Variants in AAK1 observed in about 807,000 individuals in gnomAD.
AAK1 encodes the protein AP2-associated protein kinase 1.
AAK1 carries 37 observed loss-of-function variants against 116.0 expected under a neutral mutation model. That is an observed-to-expected ratio of 0.32 (90% CI 0.25 to 0.42). The LOEUF (loss-of-function observed/expected upper bound fraction) is 0.42, where lower values mean the gene tolerates loss of function less well. AAK1 is among the 10% of genes least tolerant of loss of function. The probability of loss-of-function intolerance (pLI) is 1.00; values close to 1 mark genes in which losing one functional copy is unlikely to be tolerated. For synonymous variants in AAK1, 458 were observed against 439.9 expected, an observed-to-expected ratio of 1.04 and a Z score of -0.51; for missense variants, 919 against 1,170.6, an observed-to-expected ratio of 0.79 and a Z score of 3.14.
At position 69,464,261 on chromosome 2, in the gene AAK1, C is replaced by T. The variant is rs1674417285; in HGVS notation, c.*11608G>A. On this transcript the variant is annotated 3_prime_UTR_variant, in exon 22 of 22. Coordinates refer to ENST00000409085, the MANE Select transcript of AAK1 (RefSeq NM_014911.5). ...AAAACAAGCAAGCCTAGTTTGTAGC[C>T]TAGTCTCATGATTAATGAATTCCCT... The T allele has an allele frequency of 6.6e-6, 1 of 152,142 alleles. No homozygotes were observed. Among genetic ancestry groups the T allele is most frequent in the Non-Finnish European group, 1.5e-5 (1 of 68,038 alleles). 9.4% of individuals were successfully genotyped at this position (152,142 alleles called of 1,614,324 possible). A position where few individuals can be genotyped will look rare whatever the true frequency, so the allele number is the denominator to read the frequency against.
intron 20 of AAK1, among the ~76,000 whole-genome samples, chr2:69,478,270 T>C (rs1490106346): frequency 6.6e-6 from 1 of 152,230 alleles, no homozygotes; most frequent in Admixed American, 6.5e-5. Flanking sequence ...CATATGATCA[T>C]TATAGGCAGG....
At chr2:69,478,365 A>T (rs528017071) in intron 20 of AAK1, 1 of 152,498 alleles carries the variant, frequency 6.6e-6, no homozygotes, top group Non-Finnish European at 1.5e-5. Context: ...TCTGCATTCT[A>T]TGTTCTTGCC....
intron 3 of AAK1, among the ~76,000 whole-genome samples, chr2:69,546,398 C>T (rs956377985): frequency 1.3e-5 from 2 of 152,150 alleles, no homozygotes; most frequent in Non-Finnish European, 2.9e-5. Context: ...GCCTATCCTT[C>T]CCTCTGCTTT....
At chr2:69,490,752 A>C (rs1373686045) in intron 17 of AAK1, among the ~76,000 whole-genome samples, 1 of 152,128 alleles carries the variant, frequency 6.6e-6, no homozygotes, top group Non-Finnish European at 1.5e-5. Flanking sequence ...GATGGCTGCA[A>C]AACAATGAGA....
intron 2 of AAK1, among the ~76,000 whole-genome samples, chr2:69,637,596 C>G (rs901262543): frequency 1.3e-5 from 2 of 152,128 alleles, no homozygotes; most frequent in African/African-American, 4.8e-5. Context: ...CAATACGTTT[C>G]TATTATTATC....
At chr2:69,504,854 G>A (rs1250560093) in intron 16 of AAK1, among the ~76,000 whole-genome samples, 1 of 152,136 alleles carries the variant, frequency 6.6e-6, no homozygotes, top group African/African-American at 2.4e-5. Flanking sequence ...ACTCTCAAAA[G>A]GTTAAATGCC....
At position 69,490,923 on chromosome 2, in the gene AAK1, C is replaced by CCACACACACACACA. The variant is rs58662760; in HGVS notation, c.2365+5048_2365+5061dup. On this transcript the variant is annotated intron_variant, in intron 17 of 21. Coordinates refer to ENST00000409085, the MANE Select transcript of AAK1 (RefSeq NM_014911.5). ...CTAAAATATATCTATGTGTGTGTAC[C>CCACACACACACACA]CACACACACACACACACACACACTT... Among the ~76,000 whole-genome samples the CCACACACACACACA allele has an allele frequency of 2.7e-3, 396 of 147,714 alleles. 2 individuals are homozygous for CCACACACACACACA. The highest frequency in any genetic ancestry group is 9.2e-3 in the East Asian group (46 of 4,990).
In AAK1 at chr2:69,466,854, A is replaced by T. The variant is rs1674503314; in HGVS notation, c.*9015T>A. On this transcript the variant is annotated 3_prime_UTR_variant, in exon 22 of 22. Transcript: ENST00000409085. The stretch of plus-strand genomic sequence containing the variant: ...CCTACACACAGGGCCAGGCACGGAC[A>T]CCTGCTCTACCTGGCACTGGCTCAT... 4.1e-6 allele frequency: 4 copies of T among 985,260 alleles called. No homozygotes were observed. The highest frequency in any genetic ancestry group is 2.3e-4 in the East Asian group (2 of 8,820). 61.0% of individuals were successfully genotyped at this position (985,260 alleles called of 1,614,324 possible).
intron 3 of AAK1, among the ~76,000 whole-genome samples, chr2:69,552,089 G>A (rs546737467): frequency 2.6e-5 from 4 of 152,220 alleles, no homozygotes; most frequent in African/African-American, 7.2e-5. Context: ...TCTGACAGAA[G>A]TCTGAGACTT....
At chr2:69,499,683 T>A (rs1473060493) in intron 16 of AAK1, among the ~76,000 whole-genome samples, 1 of 152,138 alleles carries the variant, frequency 6.6e-6, no homozygotes, top group Non-Finnish European at 1.5e-5. Flanking sequence ...AAAAGAAGGA[T>A]AAAATAACTG....
intron 3 of AAK1, among the ~76,000 whole-genome samples, chr2:69,551,039 G>T (rs1340241747): frequency 6.6e-6 from 1 of 150,992 alleles, no homozygotes; most frequent in Admixed American, 6.6e-5. Context: ...TTTCTTTCAT[G>T]CTTCCTGTGT....
In AAK1 at chr2:69,470,736, G is replaced by T. The variant is rs1206287668; in HGVS notation, c.*5133C>A. ...TATTCTCCTTGAGACTAAAACAGGG[G>T]TTTTACTCTCTCAGGTAGCCATGAT... On this transcript the variant is annotated 3_prime_UTR_variant, in exon 22 of 22. Coordinates refer to ENST00000409085, the MANE Select transcript of AAK1 (RefSeq NM_014911.5). 6 of 985,394 alleles carry T rather than the reference G, an allele frequency of 6.1e-6. No homozygotes were observed. The highest frequency in any genetic ancestry group is 7.2e-6 in the Non-Finnish European group (6 of 829,912). 61.0% of individuals were successfully genotyped at this position (985,394 alleles called of 1,614,324 possible). A position where few individuals can be genotyped will look rare whatever the true frequency, so the allele number is the denominator to read the frequency against.
chr2:69,505,913 G>C (rs1028281615), intron 15 of AAK1, among the ~76,000 whole-genome samples: 5 of 152,214 alleles, frequency 3.3e-5, no homozygotes, highest in African/African-American at 1.2e-4. Flanking sequence ...AAAATGAAAA[G>C]CGTTCTGGAG....
At chr2:69,513,804 C>T (rs894686859) in intron 13 of AAK1, among the ~76,000 whole-genome samples, 1 of 152,154 alleles carries the variant, frequency 6.6e-6, no homozygotes, top group African/African-American at 2.4e-5. Flanking sequence ...TTATCACAGG[C>T]CAAAGCATGA....
At chr2:69,506,643 C>T (rs191705101) in intron 15 of AAK1, among the ~76,000 whole-genome samples, 1 of 152,238 alleles carries the variant, frequency 6.6e-6, no homozygotes. Context: ...GGGTTACGGG[C>T]GTGAGCCACC....
intron 2 of AAK1, among the ~76,000 whole-genome samples, chr2:69,591,738 T>G (rs1195509536): frequency 2.0e-5 from 3 of 151,984 alleles, no homozygotes; most frequent in African/African-American, 7.3e-5. Flanking sequence ...GCCTGGCTAA[T>G]TTTTGTATTT....
intron 2 of AAK1, among the ~76,000 whole-genome samples, chr2:69,626,165 T>A (rs1286115486): frequency 6.6e-6 from 1 of 152,144 alleles, no homozygotes; most frequent in African/African-American, 2.4e-5. Context: ...TACTGTATTT[T>A]CAACCTCTTC....
chr2:69,614,623 G>A (rs913169950), intron 2 of AAK1, among the ~76,000 whole-genome samples: 1 of 152,150 alleles, frequency 6.6e-6, no homozygotes, highest in African/African-American at 2.4e-5. Context: ...TTGAATAATG[G>A]TTCCCCCAAA....
rs1305262580 is a variant in AAK1 at position 69,470,713 on chromosome 2, T to G, written c.*5156A>C. 1 of 985,476 alleles carries G rather than the reference T, an allele frequency of 1.0e-6. No homozygotes were observed. The highest frequency in any genetic ancestry group is 1.2e-6 in the Non-Finnish European group (1 of 829,928). 61.0% of individuals were successfully genotyped at this position (985,476 alleles called of 1,614,324 possible). A position where few individuals can be genotyped will look rare whatever the true frequency, so the allele number is the denominator to read the frequency against. On this transcript the variant is annotated 3_prime_UTR_variant, in exon 22 of 22. Coordinates refer to ENST00000409085, the MANE Select transcript of AAK1 (RefSeq NM_014911.5). ...CCAGTGTAGGCTGGCAGGCGTCTTATTCTCCTTGAGACTAAAACAGGGGTT... is the reference window on the plus strand; with the variant it reads ...CCAGTGTAGGCTGGCAGGCGTCTTAGTCTCCTTGAGACTAAAACAGGGGTT...
Sources: allele counts gnomAD v4.1 joint callset (sites outside exome capture counted in the v4.1 genomes callset), GRCh38; gene constraint gnomAD v4.1.1; transcripts MANE v1.5; gene names NCBI Gene and HGNC (gene_info 2026-07-23, HGNC 2026-07-21).